Variants in CSGALNACT1 observed in about 807,000 individuals in gnomAD.
CSGALNACT1 encodes the protein beta4GalNAcT-1.
CSGALNACT1 carries 52 observed loss-of-function variants against 51.0 expected under a neutral mutation model. The ratio of observed to expected loss-of-function variants is 1.02; its 90% CI spans 0.82 to 1.29. The LOEUF (loss-of-function observed/expected upper bound fraction) is 1.29. Among genes scored for constraint, CSGALNACT1 ranks in the 50% most tolerant of loss-of-function variants. CSGALNACT1 has a pLI of 0.00. For synonymous variants in CSGALNACT1, 341 were observed against 254.4 expected, an observed-to-expected ratio of 1.34 and a Z score of -3.24; for missense variants, 935 against 679.2, an observed-to-expected ratio of 1.38 and a Z score of -4.19.
At chr8:19,563,053 T>G (rs1337388893) in intron 3 of CSGALNACT1, among the ~76,000 whole-genome samples, 1 of 152,020 alleles carries the variant, frequency 6.6e-6, no homozygotes, top group African/African-American at 2.4e-5. Flanking sequence ...ATAGACTGGA[T>G]AAAGAAAATG....
At chr8:19,751,382 C>T (rs1359060365) in intron 1 of CSGALNACT1, among the ~76,000 whole-genome samples, 2 of 152,142 alleles carry the variant, frequency 1.3e-5, no homozygotes, top group African/African-American at 2.4e-5. Context: ...TTAAGGGCTC[C>T]ATCAGTGTTA....
At chr8:19,492,303 C>T (rs570415338) in intron 4 of CSGALNACT1, among the ~76,000 whole-genome samples, 11 of 152,276 alleles carry the variant, frequency 7.2e-5, no homozygotes, top group South Asian at 6.2e-4. Flanking sequence ...GAAGCCCTCA[C>T]GATGAAATCA....
At chr8:19,654,569 G>A (rs1321083386) in intron 1 of CSGALNACT1, among the ~76,000 whole-genome samples, 2 of 152,020 alleles carry the variant, frequency 1.3e-5, no homozygotes, top group Non-Finnish European at 2.9e-5. Flanking sequence ...TTTTGAGAGG[G>A]GGTTTTGCTC....
chr8:19,610,949 G>C (rs2052171374), intron 1 of CSGALNACT1, among the ~76,000 whole-genome samples: 1 of 152,234 alleles, frequency 6.6e-6, no homozygotes, highest in Non-Finnish European at 1.5e-5. Flanking sequence ...CGTCCACCCC[G>C]AGACGTGGGG....
upstream of CSGALNACT1, among the ~76,000 whole-genome samples, chr8:19,605,829 A>G (rs142723131): frequency 1.8e-4 from 27 of 152,340 alleles, no homozygotes; most frequent in East Asian, 4.6e-3. Flanking sequence ...CCTACCAAAA[A>G]TCATCTACTG....
intron 1 of CSGALNACT1, among the ~76,000 whole-genome samples, chr8:19,650,393 C>T (rs929180214): frequency 6.6e-6 from 1 of 152,042 alleles, no homozygotes; most frequent in Non-Finnish European, 1.5e-5. Flanking sequence ...AATTCAAAGT[C>T]GATTTCAAAA....
At chr8:19,549,764 A>C (rs1411930115) in intron 3 of CSGALNACT1, among the ~76,000 whole-genome samples, 1 of 146,590 alleles carries the variant, frequency 6.8e-6, no homozygotes, top group East Asian at 2.0e-4. Flanking sequence ...TTTCTGTCTG[A>C]AAATATCCCT....
At chr8:19,616,022 C>G (rs139889161) in intron 1 of CSGALNACT1, among the ~76,000 whole-genome samples, 1 of 152,004 alleles carries the variant, frequency 6.6e-6, no homozygotes, top group East Asian at 1.9e-4. Flanking sequence ...GGAAAATTAC[C>G]AAGACACTGT....
intron 4 of CSGALNACT1, among the ~76,000 whole-genome samples, chr8:19,497,026 G>C (rs56163568): frequency 0.2 from 30,033 of 152,050 alleles, 3,212 homozygotes; most frequent in African/African-American, 0.25. Context: ...TATTGGTGGG[G>C]AAAGATCAAC....
At chr8:19,517,915 C>T (rs139201268) in intron 3 of CSGALNACT1, among the ~76,000 whole-genome samples, 58 of 152,294 alleles carry the variant, frequency 3.8e-4, no homozygotes, top group Middle Eastern at 3.4e-3. Context: ...CTCTAGAGCA[C>T]TGCAAAAGTA....
intron 5 of CSGALNACT1, chr8:19,457,472 G>T (rs939888896): frequency 8.0e-6 from 3 of 375,760 alleles, no homozygotes; most frequent in South Asian, 2.1e-5. Flanking sequence ...AATTAGCCGG[G>T]CATGGTAATG....
intron 4 of CSGALNACT1, among the ~76,000 whole-genome samples, chr8:19,490,950 C>G (rs576569429): frequency 4.6e-5 from 7 of 152,282 alleles, no homozygotes; most frequent in Admixed American, 3.9e-4. Context: ...CGTTTAGAAT[C>G]AAATGCTAAT....
chr8:19,534,163 C>T (rs2083308945), intron 3 of CSGALNACT1, among the ~76,000 whole-genome samples: 1 of 152,068 alleles, frequency 6.6e-6, no homozygotes, highest in Non-Finnish European at 1.5e-5. Context: ...TATTAAGTTG[C>T]ATATGAGGCC....
chr8:19,465,158 C>A (rs1414419226), intron 4 of CSGALNACT1, among the ~76,000 whole-genome samples: 1 of 152,234 alleles, frequency 6.6e-6, no homozygotes, highest in East Asian at 1.9e-4. Flanking sequence ...GAGTACCATT[C>A]TGCCTTAACA....
At chr8:19,662,083 C>CCG (rs2058808074) in intron 1 of CSGALNACT1, among the ~76,000 whole-genome samples, 1 of 107,080 alleles carries the variant, frequency 9.3e-6, no homozygotes, top group African/African-American at 3.3e-5. Flanking sequence ...CACCCCCCCC[C>CCG]CCCCCCGCAT....
intron 1 of CSGALNACT1, among the ~76,000 whole-genome samples, chr8:19,646,936 T>A (rs961278178): frequency 6.6e-6 from 1 of 151,210 alleles, no homozygotes; most frequent in East Asian, 1.9e-4. Flanking sequence ...ATAAATAGTT[T>A]TGGTGCTCAG....
At chr8:19,469,619 G>T (rs2067619466) in intron 4 of CSGALNACT1, among the ~76,000 whole-genome samples, 1 of 152,086 alleles carries the variant, frequency 6.6e-6, no homozygotes, top group African/African-American at 2.4e-5. Flanking sequence ...CTTTCTTTCT[G>T]CTCTGTCTGG....
intron 6 of CSGALNACT1, among the ~76,000 whole-genome samples, chr8:19,423,165 G>A (rs2058216684): frequency 6.6e-6 from 1 of 152,152 alleles, no homozygotes; most frequent in Non-Finnish European, 1.5e-5. Flanking sequence ...CTTTTGCCAA[G>A]GGAAGAAGAA....
At chr8:19,585,552 A>G (rs951192753) in intron 3 of CSGALNACT1, among the ~76,000 whole-genome samples, 1 of 152,174 alleles carries the variant, frequency 6.6e-6, no homozygotes, top group African/African-American at 2.4e-5. Context: ...TTGGAAAACA[A>G]CCATCAGAGA....
Sources: gnomAD v4.1 joint callset for allele counts (sites outside exome capture counted in the v4.1 genomes callset) on GRCh38, gnomAD v4.1.1 for gene constraint, MANE v1.5 for transcripts, NCBI Gene and HGNC (gene_info 2026-07-23, HGNC 2026-07-21) for gene names.